Variants in GPHN observed in about 807,000 individuals in gnomAD.
GPHN encodes the protein gephyrin.
Under a neutral mutation model 95.5 loss-of-function variants are expected in GPHN, and 17 were observed. The ratio of observed to expected loss-of-function variants is 0.18; its 90% CI spans 0.12 to 0.27. The LOEUF is 0.27. GPHN is among the 10% of genes least tolerant of loss of function. GPHN has a pLI of 1.00. For missense variants in GPHN, 660 were observed against 978.1 expected (o/e 0.67, Z 4.34); for synonymous variants, 320 against 322.5 (o/e 0.99, Z 0.08).
At chr14:66,951,765 C>T (rs931587692) in intron 8 of GPHN, among the ~76,000 whole-genome samples, 1 of 152,110 alleles carries the variant, frequency 6.6e-6, no homozygotes, top group Admixed American at 6.6e-5. Flanking sequence ...CACCAACACA[C>T]ATATGGTCAC....
intron 3 of GPHN, among the ~76,000 whole-genome samples, chr14:66,817,183 A>C (rs2061004301): frequency 6.6e-6 from 1 of 152,096 alleles, no homozygotes; most frequent in Non-Finnish European, 1.5e-5. Context: ...AACATCAAGC[A>C]CATTTGTCAT....
chr14:66,891,342 C>T (rs2064489011), intron 5 of GPHN, among the ~76,000 whole-genome samples: 1 of 151,946 alleles, frequency 6.6e-6, no homozygotes, highest in African/African-American at 2.4e-5. Flanking sequence ...CAGAAATAAG[C>T]CCTTGCATAT....
intron 8 of GPHN, among the ~76,000 whole-genome samples, chr14:66,960,125 G>C (rs2068795672): frequency 1.3e-5 from 2 of 151,778 alleles, no homozygotes; most frequent in Non-Finnish European, 2.9e-5. Context: ...AGTTGGTGAG[G>C]CATCATTCTT....
chr14:67,379,650 TTTTC>T, the GPHN span, among the ~76,000 whole-genome samples: 2 of 138,418 alleles, frequency 1.4e-5, no homozygotes, highest in African/African-American at 6.1e-5. Context: ...CTTTTTTTCT[TTTTC>T]TTTTTTTTTT....
At chr14:67,121,097 G>T (rs2078989155) in intron 16 of GPHN, among the ~76,000 whole-genome samples, 1 of 152,136 alleles carries the variant, frequency 6.6e-6, no homozygotes, top group South Asian at 2.1e-4. Flanking sequence ...CATCTTAAAT[G>T]TGCAGGCTTG....
chr14:66,980,926 G>A (rs1189528041), intron 9 of GPHN, among the ~76,000 whole-genome samples: 4 of 152,156 alleles, frequency 2.6e-5, no homozygotes, highest in South Asian at 2.1e-4. Context: ...GTGCATGCCT[G>A]TAATCCCAGC....
chr14:66,681,310 T>G (rs565578929), intron 2 of GPHN, 125 bp downstream of exon 2: 1 of 669,838 alleles, frequency 1.5e-6, no homozygotes, highest in East Asian at 2.8e-5. Context: ...TAATAATGCG[T>G]TTTACACATA....
At chr14:66,601,428 A>G (rs1395784455) in intron 1 of GPHN, among the ~76,000 whole-genome samples, 3 of 151,938 alleles carry the variant, frequency 2.0e-5, no homozygotes, top group Non-Finnish European at 1.5e-5. Flanking sequence ...CTCATTTTTT[A>G]CATCAAATAC....
chr14:66,916,121 G>A (rs749507585), intron 6 of GPHN, 52 bp downstream of exon 6: 35 of 1,232,058 alleles, frequency 2.8e-5, no homozygotes, highest in South Asian at 3.6e-5. Context: ...TTGACCAGCC[G>A]TGAAAGTTAG....
At chr14:66,560,004 C>T (rs2060163586) in intron 1 of GPHN, among the ~76,000 whole-genome samples, 1 of 152,136 alleles carries the variant, frequency 6.6e-6, no homozygotes, top group Non-Finnish European at 1.5e-5. Flanking sequence ...GGAATCCTTT[C>T]CCCATTGCTT....
At chr14:67,563,467 C>T in the GPHN span, among the ~76,000 whole-genome samples, 1 of 152,018 alleles carries the variant, frequency 6.6e-6, no homozygotes, top group African/African-American at 2.4e-5. Flanking sequence ...GAGTTTCACT[C>T]TTACTGCCCA....
the GPHN span, among the ~76,000 whole-genome samples, chr14:67,469,326 G>C: frequency 2.0e-5 from 3 of 148,126 alleles, no homozygotes; most frequent in East Asian, 5.9e-4. Context: ...CTGTCACCCA[G>C]AATACAGTGG....
At chr14:66,697,323 C>T (rs7154018) in intron 2 of GPHN, among the ~76,000 whole-genome samples, 151,596 of 152,360 alleles carry the variant, frequency 0.99, 75,455 homozygotes, top group Middle Eastern at 1. Context: ...TTATGTAGTA[C>T]GTTGTGTGAC....
intron 1 of GPHN, among the ~76,000 whole-genome samples, chr14:66,627,682 G>GTTT: frequency 6.6e-6 from 1 of 152,128 alleles, no homozygotes; most frequent in African/African-American, 2.4e-5. Context: ...AATGTATGAG[G>GTTT]TTTCACAAAG....
intron 11 of GPHN, among the ~76,000 whole-genome samples, chr14:67,082,297 C>G (rs1485008665): frequency 1.3e-5 from 2 of 151,944 alleles, no homozygotes; most frequent in African/African-American, 4.8e-5. Flanking sequence ...TGTAGTTTTC[C>G]TTGTAGAGGT....
intron 3 of GPHN, among the ~76,000 whole-genome samples, chr14:66,817,005 G>A (rs1203316782): frequency 6.6e-6 from 1 of 151,910 alleles, no homozygotes; most frequent in East Asian, 1.9e-4. Flanking sequence ...GTTTTTTATT[G>A]TTAAATAATG....
the GPHN span, among the ~76,000 whole-genome samples, chr14:67,643,354 T>G: frequency 6.6e-6 from 1 of 152,216 alleles, no homozygotes; most frequent in African/African-American, 2.4e-5. Context: ...TAAAATAGAT[T>G]TCACAAGGGA....
chr14:67,578,510 C>A, the GPHN span: 1 of 1,537,788 alleles, frequency 6.5e-7, no homozygotes, highest in South Asian at 1.2e-5. This position sits in a 1 kb window ranked among gnomAD's most constrained non-coding sequence, Gnocchi z 5.0. Flanking sequence ...AGCACTCACC[C>A]CACGCTGTCT....
chr14:67,543,101 T>C, the GPHN span, among the ~76,000 whole-genome samples: 1 of 152,224 alleles, frequency 6.6e-6, no homozygotes, highest in East Asian at 1.9e-4. Context: ...ATTAAGTGAA[T>C]CAATCATTAT....
Sources: allele counts gnomAD v4.1 joint callset (sites outside exome capture counted in the v4.1 genomes callset), GRCh38; gene constraint gnomAD v4.1.1; non-coding constraint Gnocchi (gnomAD v3.1); transcripts MANE v1.5; gene names NCBI Gene and HGNC (gene_info 2026-07-23, HGNC 2026-07-21).